Variants in MAP3K20 observed in about 807,000 individuals in gnomAD.
MAP3K20 encodes HCCS-4.
Under a neutral mutation model 85.7 loss-of-function variants are expected in MAP3K20, and 40 were observed. The ratio of observed to expected loss-of-function variants is 0.47; its 90% CI spans 0.36 to 0.61. The LOEUF is 0.61. Ranked by LOEUF, MAP3K20 falls within the 20% of genes least tolerant of loss-of-function variation. MAP3K20 has a pLI of 0.00. For missense variants in MAP3K20, 817 were observed against 961.7 expected (o/e 0.85, Z 1.99); for synonymous variants, 325 against 327.7 (o/e 0.99, Z 0.09).
In MAP3K20 at chr2:173,130,126, C is replaced by T. The variant is rs1169172968; in HGVS notation, c.159+38936C>T. 2.0e-5 allele frequency among the ~76,000 whole-genome samples: 3 copies of T among 152,196 alleles called. No homozygotes were observed. In the East Asian group the frequency reaches 5.8e-4, roughly 29 times the overall value. ...AATATATCCTAAGGTTATGGTCAAA[C>T]AAGTGCATCTGATGAATGTGCAGAG... is the stretch of plus-strand genomic sequence containing the variant. On this transcript the variant is annotated intron_variant, in intron 2 of 19. Coordinates refer to ENST00000375213, the MANE Select transcript of MAP3K20 (RefSeq NM_016653.3).
intron 7 of MAP3K20, chr2:173,192,914 A>T (rs915352128): frequency 6.6e-6 from 1 of 152,174 alleles, no homozygotes; most frequent in Non-Finnish European, 1.5e-5. Context: ...CAGATAATAT[A>T]TATTTTTGGC....
chr2:173,266,839 T>G lies in MAP3K20; in HGVS notation c.*89T>G. 8.2e-7 allele frequency: 1 copy of G among 1,217,732 alleles called. No individual in the cohort carries two copies. Among genetic ancestry groups the G allele is most frequent in the East Asian group, 2.7e-5 (1 of 37,456 alleles). 75.4% of individuals were successfully genotyped at this position (1,217,732 alleles called of 1,614,324 possible). On this transcript the variant is annotated 3_prime_UTR_variant, in exon 20 of 20. Coordinates refer to ENST00000375213, the MANE Select transcript of MAP3K20 (RefSeq NM_016653.3). ...TTTTGATAATATGATCCCTTCAGAT[T>G]GAATTAACGAAAAGACAACACTTCC...
intron 9 of MAP3K20, among the ~76,000 whole-genome samples, chr2:173,209,101 G>C (rs1683788391): frequency 6.6e-6 from 1 of 152,092 alleles, no homozygotes. Flanking sequence ...TTACTTTTAG[G>C]TTCAGGGGCA....
At chr2:173,093,960 A>G (rs1363497797) in intron 2 of MAP3K20, among the ~76,000 whole-genome samples, 3 of 127,352 alleles carry the variant, frequency 2.4e-5, no homozygotes, top group African/African-American at 9.1e-5. Context: ...GGACACAGGA[A>G]GGGGAACATC....
At chr2:173,142,683 G>T (rs1486648787) in intron 2 of MAP3K20, among the ~76,000 whole-genome samples, 2 of 151,984 alleles carry the variant, frequency 1.3e-5, no homozygotes, top group Non-Finnish European at 2.9e-5. Flanking sequence ...GAATGAAAAT[G>T]ATATACTAAG....
At chr2:173,263,374 A>G (rs532555023) in intron 18 of MAP3K20, among the ~76,000 whole-genome samples, 6 of 152,224 alleles carry the variant, frequency 3.9e-5, no homozygotes, top group African/African-American at 1.2e-4. Flanking sequence ...TAGAAGATGT[A>G]ATTTTTTATT....
intron 8 of MAP3K20, among the ~76,000 whole-genome samples, chr2:173,199,788 T>C (rs1303799806): frequency 6.6e-6 from 1 of 152,014 alleles, no homozygotes; most frequent in Non-Finnish European, 1.5e-5. Context: ...TAGATATAAA[T>C]TTAAAGCACT....
chr2:173,224,452 A>G, intron 11 of MAP3K20: 1 of 985,432 alleles, frequency 1.0e-6, no homozygotes, highest in Non-Finnish European at 1.2e-6. Flanking sequence ...AGGGCCAAAG[A>G]GAAAAATAAC....
rs2106361221 is a variant in MAP3K20, at chr2:173,266,261, T to C, written c.1914T>C (p.Pro638=). 5 of 1,614,128 alleles carry C rather than the reference T, an allele frequency of 3.1e-6. No individual in the cohort carries two copies. Among genetic ancestry groups the C allele is most frequent in the Non-Finnish European group, 4.2e-6 (5 of 1,180,004 alleles). The change falls in exon 20 of 20, where the codon CCT becomes CCC. Residue 638 remains proline (P), a synonymous_variant. Transcript: ENST00000375213. The stretch of plus-strand genomic sequence containing the variant: ...TGAACCAGTCCAGAAGCTCGTCTCC[T>C]ACTCAGTATGGACTGACCAAAAACT... The part of the protein sequence containing the change: ...TPVNQSRSSS[P]TQYGLTKNFS...
chr2:173,154,526 C>T (rs1689399459), intron 2 of MAP3K20, among the ~76,000 whole-genome samples: 1 of 152,142 alleles, frequency 6.6e-6, no homozygotes, highest in South Asian at 2.1e-4. Context: ...CCATTACCTC[C>T]CAACTTCCCT....
intron 2 of MAP3K20, among the ~76,000 whole-genome samples, chr2:173,105,647 T>C (rs1687764722): frequency 6.6e-6 from 1 of 152,206 alleles, no homozygotes; most frequent in East Asian, 1.9e-4. Flanking sequence ...TAAGTAAAAA[T>C]AGGCCTAACA....
intron 2 of MAP3K20, among the ~76,000 whole-genome samples, chr2:173,138,256 A>G (rs1226837670): frequency 6.6e-6 from 1 of 152,212 alleles, no homozygotes; most frequent in Non-Finnish European, 1.5e-5. Flanking sequence ...GGCGTGAGCT[A>G]CCGTGCCTGG....
chr2:173,144,502 G>A (rs1689080436), intron 2 of MAP3K20, among the ~76,000 whole-genome samples: 4 of 146,536 alleles, frequency 2.7e-5, no homozygotes, highest in African/African-American at 7.7e-5. Flanking sequence ...AAAGAAAGAA[G>A]AGAAGAGAAA....
intron 5 of MAP3K20, among the ~76,000 whole-genome samples, 180 bp downstream of exon 5, chr2:173,187,803 T>C (rs1010445955): frequency 2.0e-5 from 3 of 152,222 alleles, no homozygotes; most frequent in Non-Finnish European, 4.4e-5. Context: ...TTAAAGAAGC[T>C]GCATAGTATT....
At chr2:173,162,811 G>C (rs1482891214) in intron 2 of MAP3K20, among the ~76,000 whole-genome samples, 1 of 152,104 alleles carries the variant, frequency 6.6e-6, no homozygotes, top group Non-Finnish European at 1.5e-5. Flanking sequence ...GGCAAAAGAA[G>C]TGTACCTTGT....
intron 2 of MAP3K20, among the ~76,000 whole-genome samples, chr2:173,134,382 G>GTA (rs1688714540): frequency 1.1e-5 from 1 of 86,960 alleles, no homozygotes; most frequent in Non-Finnish European, 2.1e-5. Context: ...GTGTGTGTGT[G>GTA]TGTCTCTATA....
intron 2 of MAP3K20, among the ~76,000 whole-genome samples, chr2:173,144,080 G>A (rs1045074940): frequency 7.2e-5 from 11 of 151,978 alleles, no homozygotes; most frequent in East Asian, 1.9e-4. Flanking sequence ...CAGATCACAC[G>A]AGCCCGGGTA....
intron 14 of MAP3K20, among the ~76,000 whole-genome samples, chr2:173,235,663 T>C (rs981927897): frequency 2.0e-5 from 3 of 152,210 alleles, no homozygotes; most frequent in Admixed American, 6.5e-5. Context: ...GAGGTACTGG[T>C]TGCACAACAT....
chr2:173,248,044 C>T (rs1242036307), intron 16 of MAP3K20, among the ~76,000 whole-genome samples: 2 of 152,062 alleles, frequency 1.3e-5, no homozygotes, highest in African/African-American at 4.8e-5. Context: ...GGTGTGCAGG[C>T]GAAGTGAGAA....
Sources: allele counts gnomAD v4.1 joint callset (sites outside exome capture counted in the v4.1 genomes callset), GRCh38; gene constraint gnomAD v4.1.1; transcripts MANE v1.5; gene names NCBI Gene and HGNC (gene_info 2026-07-23, HGNC 2026-07-21).